The following GALNT17 variants were observed in gnomAD, a reference collection of about 807,000 sequenced individuals.
GALNT17 encodes polypeptide N-acetylgalactosaminyltransferase 17.
In GALNT17, 29 loss-of-function variants were observed where a neutral mutation model predicts 63.7. That is an observed-to-expected ratio of 0.46 (90% CI 0.34 to 0.62). The LOEUF (loss-of-function observed/expected upper bound fraction) is 0.62, where lower values mean the gene tolerates loss of function less well. GALNT17 is among the 20% of genes least tolerant of loss of function. The probability of loss-of-function intolerance (pLI) is 0.01; values close to 1 mark genes in which losing one functional copy is unlikely to be tolerated. For synonymous variants in GALNT17, 305 were observed against 318.3 expected, an observed-to-expected ratio of 0.96 and a Z score of 0.45; for missense variants, 603 against 799.6, an observed-to-expected ratio of 0.75 and a Z score of 2.97.
intron 6 of GALNT17, among the ~76,000 whole-genome samples, chr7:71,644,240 GA>G (rs1047680267): frequency 6.6e-6 from 1 of 151,354 alleles, no homozygotes; most frequent in Non-Finnish European, 1.5e-5. Context: ...CGATTCCACA[GA>G]AAAGAAAAAT....
At chr7:71,485,151 G>A (rs892015576) in intron 5 of GALNT17, among the ~76,000 whole-genome samples, 21 of 149,148 alleles carry the variant, frequency 1.4e-4, no homozygotes, top group Non-Finnish European at 2.1e-4. Flanking sequence ...TGTTGCTCAG[G>A]CTGGAGTGCA....
intron 8 of GALNT17, among the ~76,000 whole-genome samples, chr7:71,670,827 G>A (rs185105724): frequency 6.6e-6 from 1 of 152,102 alleles, no homozygotes; most frequent in East Asian, 1.9e-4. Context: ...GGTTGGACTT[G>A]GGGATCTGGA....
At chr7:71,622,476 GTCTGTCTTCACTCTC>G (rs1184252669) in intron 6 of GALNT17, among the ~76,000 whole-genome samples, 1 of 152,170 alleles carries the variant, frequency 6.6e-6, no homozygotes, top group Non-Finnish European at 1.5e-5. Flanking sequence ...CCCTCTGGGT[GTCTGTCTTCACTCTC>G]ACTGGTGTCT....
chr7:71,604,576 G>T (rs1037458111), intron 6 of GALNT17, among the ~76,000 whole-genome samples: 3 of 152,194 alleles, frequency 2.0e-5, no homozygotes, highest in African/African-American at 7.2e-5. Flanking sequence ...GGAGGAGCCA[G>T]ATTTGAACTC....
chr7:71,324,853 CTTA>C (rs1460391775), intron 1 of GALNT17, among the ~76,000 whole-genome samples: 5 of 152,010 alleles, frequency 3.3e-5, no homozygotes, highest in Non-Finnish European at 7.4e-5. Context: ...AATTGAAGTG[CTTA>C]TTATAGTGCT....
chr7:71,701,803 GTA>G (rs1554326539), intron 9 of GALNT17, among the ~76,000 whole-genome samples: 1 of 30,722 alleles, frequency 3.3e-5, no homozygotes, highest in African/African-American at 8.5e-5. Context: ...GTGTGTGTGT[GTA>G]TATATATATA....
At chr7:71,682,845 G>T (rs1239114007) in intron 9 of GALNT17, among the ~76,000 whole-genome samples, 1 of 152,226 alleles carries the variant, frequency 6.6e-6, no homozygotes, top group Non-Finnish European at 1.5e-5. Context: ...TGAGGCTACA[G>T]GTGTGAGCCC....
intron 5 of GALNT17, among the ~76,000 whole-genome samples, chr7:71,555,689 A>G (rs995582915): frequency 5.9e-5 from 9 of 151,968 alleles, no homozygotes; most frequent in Non-Finnish European, 1.2e-4. Flanking sequence ...ACCCATCATC[A>G]AACCAGTGTC....
intron 5 of GALNT17, among the ~76,000 whole-genome samples, chr7:71,466,099 A>G (rs911852646): frequency 6.6e-6 from 1 of 152,232 alleles, no homozygotes; most frequent in African/African-American, 2.4e-5. Context: ...TTGCAAGGCC[A>G]CTTCTGTCAG....
chr7:71,244,248 T>C (rs1790054443), intron 1 of GALNT17, among the ~76,000 whole-genome samples: 1 of 152,246 alleles, frequency 6.6e-6, no homozygotes, highest in Admixed American at 6.5e-5. Flanking sequence ...GCTCATTCTC[T>C]CTGGGTCTGC....
chr7:71,330,196 A>T (rs931572605), intron 1 of GALNT17, among the ~76,000 whole-genome samples: 4 of 152,088 alleles, frequency 2.6e-5, no homozygotes, highest in Admixed American at 2.6e-4. Flanking sequence ...TATTTTTAGT[A>T]GAGACAAGGT....
chr7:71,546,661 AG>A (rs989156341), intron 5 of GALNT17, among the ~76,000 whole-genome samples: 1 of 152,230 alleles, frequency 6.6e-6, no homozygotes. Flanking sequence ...AACTCTCAAA[AG>A]CAGATACTCT....
At chr7:71,662,201 G>A (rs955272554) in intron 6 of GALNT17, among the ~76,000 whole-genome samples, 9 of 151,934 alleles carry the variant, frequency 5.9e-5, no homozygotes, top group African/African-American at 9.7e-5. Context: ...TCTCTTATGC[G>A]CCTGTGTCTG....
chr7:71,280,066 T>C (rs191683577), intron 1 of GALNT17, among the ~76,000 whole-genome samples: 1 of 152,252 alleles, frequency 6.6e-6, no homozygotes, highest in East Asian at 1.9e-4. Flanking sequence ...TATGCATGCT[T>C]TGTACAAATG....
intron 6 of GALNT17, among the ~76,000 whole-genome samples, chr7:71,571,659 G>A (rs1789444378): frequency 6.6e-6 from 1 of 152,022 alleles, no homozygotes; most frequent in African/African-American, 2.4e-5. Flanking sequence ...TGGAGAGGGT[G>A]GTTCCCACTC....
intron 3 of GALNT17, among the ~76,000 whole-genome samples, chr7:71,410,913 C>G (rs1249330249): frequency 6.6e-6 from 1 of 152,146 alleles, no homozygotes; most frequent in African/African-American, 2.4e-5. Flanking sequence ...CCAAATGGCA[C>G]TTGGCCAATT....
At chr7:71,252,774 C>T (rs1017234348) in intron 1 of GALNT17, among the ~76,000 whole-genome samples, 1 of 152,184 alleles carries the variant, frequency 6.6e-6, no homozygotes, top group African/African-American at 2.4e-5. Flanking sequence ...AAACCGGCTT[C>T]CCATTTTGTT....
intron 6 of GALNT17, among the ~76,000 whole-genome samples, chr7:71,622,050 CT>C (rs1790302646): frequency 6.6e-6 from 1 of 152,214 alleles, no homozygotes; most frequent in Non-Finnish European, 1.5e-5. Flanking sequence ...CTGTGAGAGA[CT>C]TTCCAACTTT....
intron 6 of GALNT17, among the ~76,000 whole-genome samples, chr7:71,640,941 T>C (rs1208156128): frequency 6.6e-6 from 1 of 152,116 alleles, no homozygotes; most frequent in African/African-American, 2.4e-5. Context: ...GCTTTAAGAA[T>C]CTTTAGCTGG....
Sources: allele counts gnomAD v4.1 joint callset (sites outside exome capture counted in the v4.1 genomes callset), GRCh38; gene constraint gnomAD v4.1.1; transcripts MANE v1.5; gene names NCBI Gene and HGNC (gene_info 2026-07-23, HGNC 2026-07-21).